The following SRP68 variants were observed in gnomAD, a reference collection of about 807,000 sequenced individuals.
SRP68 encodes signal recognition particle subunit SRP68.
SRP68 carries 15 observed loss-of-function variants against 82.2 expected under a neutral mutation model. That is an observed-to-expected ratio of 0.18 (90% CI 0.12 to 0.28). The LOEUF (loss-of-function observed/expected upper bound fraction) is 0.28. Ranked by LOEUF, SRP68 falls within the 10% of genes least tolerant of loss-of-function variation. The pLI, the probability that SRP68 is intolerant of heterozygous loss-of-function variation, is 1.00. For missense variants in SRP68, 595 were observed against 780.5 expected, an observed-to-expected ratio of 0.76 and a Z score of 2.83; for synonymous variants, 261 against 292.6, an observed-to-expected ratio of 0.89 and a Z score of 1.10.
intron 13 of SRP68, among the ~76,000 whole-genome samples, chr17:76,042,728 G>A (rs1344426502): frequency 6.6e-6 from 1 of 151,944 alleles, no homozygotes; most frequent in African/African-American, 2.4e-5. Flanking sequence ...GGGATTACAG[G>A]TGTGCACCAC....
At chr17:76,049,083 A>C (rs1598260885) in intron 9 of SRP68, 2 of 152,254 alleles carry the variant, frequency 1.3e-5, no homozygotes, top group African/African-American at 4.8e-5. Context: ...TAATGGGTTC[A>C]GCGTTTCAGT....
intron 4 of SRP68, among the ~76,000 whole-genome samples, chr17:76,062,580 TTATATAATATATAA>T (rs1297083012): frequency 1.0e-5 from 1 of 100,496 alleles, no homozygotes; most frequent in African/African-American, 4.5e-5. Context: ...ATAATATACA[TTATATAATATATAA>T]TATACATTAT....
At chr17:76,064,222 G>A (rs762013761) in intron 3 of SRP68, 51 bp from the exon 4 acceptor site, 1 of 1,525,706 alleles carries the variant, frequency 6.6e-7, no homozygotes, top group East Asian at 2.3e-5. Context: ...AACAGACCCA[G>A]ATATTCTCTG....
chr17:76,040,374 A>C, intron 15 of SRP68, 45 bp downstream of exon 15: 1 of 1,573,990 alleles, frequency 6.4e-7, no homozygotes. Context: ...CTAGTTTGTT[A>C]CTAATCCTGC....
intron 4 of SRP68, among the ~76,000 whole-genome samples, chr17:76,062,988 T>G (rs529768428): frequency 1.3e-5 from 2 of 150,990 alleles, no homozygotes; most frequent in East Asian, 2.0e-4. Context: ...GCCAGGATGG[T>G]CTCGATCTCC....
chr17:76,064,218 C>T, intron 3 of SRP68, 47 bp from the exon 4 acceptor site: 2 of 1,536,234 alleles, frequency 1.3e-6, no homozygotes, highest in Non-Finnish European at 1.8e-6. Flanking sequence ...CATCAACAGA[C>T]CCAGATATTC....
At chr17:76,060,431 G>A (rs1410144199) in intron 6 of SRP68, 41 bp from the exon 7 acceptor site, 7 of 1,484,134 alleles carry the variant, frequency 4.7e-6, no homozygotes, top group Non-Finnish European at 6.6e-6. Flanking sequence ...GGTCTGGTCT[G>A]TTTTCTTGAG....
intron 8 of SRP68, 41 bp downstream of exon 8, chr17:76,057,362 G>C (rs897383596): frequency 3.1e-6 from 5 of 1,612,614 alleles, no homozygotes; most frequent in East Asian, 4.5e-5. Flanking sequence ...ACAACCTTCA[G>C]ACACATACAG....
chr17:76,047,611 C>T (rs1039019731), intron 10 of SRP68, among the ~76,000 whole-genome samples: 64 of 151,670 alleles, frequency 4.2e-4, no homozygotes, highest in Admixed American at 2.8e-3. Flanking sequence ...TGGCAAAATC[C>T]CATCTCTACA....
At position 76,039,573 on chromosome 17, in the gene SRP68, T is replaced by C; in HGVS notation, c.*133A>G. 1.2e-6 allele frequency: 1 copy of C among 827,646 alleles called. No homozygotes were observed. Among genetic ancestry groups the C allele is most frequent in the East Asian group, 2.7e-5 (1 of 37,440 alleles). The allele number at this position is 827,646 out of a possible 1,614,324, so 51.3% of individuals were successfully genotyped here. A position where few individuals can be genotyped will look rare whatever the true frequency, so the allele number is the denominator to read the frequency against. ...CGTGTACAGACACAAGATGTAGGAA[T>C]GCAGGGCCGAAGATGTTAAACTCTT... On this transcript the variant is annotated 3_prime_UTR_variant, in exon 16 of 16. Coordinates refer to ENST00000307877, the MANE Select transcript of SRP68 (RefSeq NM_014230.4).
intron 4 of SRP68, among the ~76,000 whole-genome samples, chr17:76,062,724 T>TA (rs1567935164): frequency 3.6e-5 from 1 of 27,422 alleles, no homozygotes; most frequent in African/African-American, 3.9e-4. Context: ...TATATTATAT[T>TA]TATTTTATAT....
At chr17:76,056,470 A>C (rs73361832) in intron 8 of SRP68, among the ~76,000 whole-genome samples, 2,086 of 152,340 alleles carry the variant, frequency 0.014, 41 homozygotes, top group African/African-American at 0.048. Context: ...GCAAAAATTA[A>C]CTTTCTAGTA....
Position 76,039,583 on chromosome 17 carries a change from A to C in SRP68, c.*123T>G, listed in dbSNP as rs965108777. 1.7e-4 allele frequency: 156 copies of C among 915,196 alleles called. No individual in the cohort carries two copies. The highest frequency in any genetic ancestry group is 7.3e-4 in the South Asian group (45 of 61,310). 56.7% of individuals were successfully genotyped at this position (915,196 alleles called of 1,614,324 possible). ...CACAAGATGTAGGAATGCAGGGCCGAAGATGTTAAACTCTTGCCCCGGGCC... is the reference window on the plus strand; with the variant it reads ...CACAAGATGTAGGAATGCAGGGCCGCAGATGTTAAACTCTTGCCCCGGGCC... On this transcript the variant is annotated 3_prime_UTR_variant, in exon 16 of 16. Transcript: ENST00000307877.
chr17:76,063,750 C>G (rs1193363773), intron 4 of SRP68, among the ~76,000 whole-genome samples: 1 of 150,506 alleles, frequency 6.6e-6, no homozygotes, highest in East Asian at 1.9e-4. Flanking sequence ...AATACTCATT[C>G]TATTTTATGG....
At chr17:76,060,125 C>CAAAAAAAA (rs1168111688) in intron 7 of SRP68, among the ~76,000 whole-genome samples, 183 bp downstream of exon 7, 431 of 28,094 alleles carry the variant, frequency 0.015, no homozygotes, top group Middle Eastern at 0.062. Context: ...GACTCCATCT[C>CAAAAAAAA]AAAAAAAAAA....
intron 1 of SRP68, among the ~76,000 whole-genome samples, chr17:76,070,842 A>T (rs2066846022): frequency 7.6e-6 from 1 of 131,274 alleles, no homozygotes; most frequent in African/African-American, 3.4e-5. Flanking sequence ...TCAGTCACAC[A>T]TGCACATGCA....
intron 8 of SRP68, among the ~76,000 whole-genome samples, chr17:76,055,239 T>G (rs1355713862): frequency 6.6e-6 from 1 of 151,856 alleles, no homozygotes; most frequent in Non-Finnish European, 1.5e-5. Context: ...AGTGCTGGAA[T>G]TACAGGCGTG....
intron 12 of SRP68, 136 bp from the exon 13 acceptor site, chr17:76,044,094 T>C (rs2066612030): frequency 1.1e-6 from 1 of 947,064 alleles, no homozygotes; most frequent in Non-Finnish European, 1.5e-6. Context: ...GGAGCCCCCT[T>C]CATGGGAAGT....
rs369570930 is a variant in SRP68, at chr17:76,044,340, C to T, written c.1395-382G>A. 7.9e-5 allele frequency among the ~76,000 whole-genome samples: 12 copies of T among 152,316 alleles called. No individual in the cohort carries two copies. In the South Asian group the frequency reaches 8.3e-4, roughly 11 times the overall value. ...GTCGCAATCATTCATCTCTGCTCAT[C>T]GCTTTCCAAAAACAAAACTCACAGA... On this transcript the variant is annotated intron_variant, in intron 12 of 15. Transcript: ENST00000307877.
Sources: gnomAD v4.1 joint callset for allele counts (sites outside exome capture counted in the v4.1 genomes callset) on GRCh38, gnomAD v4.1.1 for gene constraint, MANE v1.5 for transcripts, NCBI Gene and HGNC (gene_info 2026-07-23, HGNC 2026-07-21) for gene names.